DYM: variants seen among roughly 807,000 people sequenced by gnomAD.
DYM encodes the protein dymeclin.
DYM carries 78 observed loss-of-function variants against 93.1 expected under a neutral mutation model. The observed-to-expected ratio is 0.84, with a 90% CI of 0.70 to 1.01. The LOEUF is 1.01. Ranked by LOEUF, DYM falls within the 50% of genes least tolerant of loss-of-function variation. DYM has a pLI of 0.00. For missense variants in DYM, 789 were observed against 845.0 expected (o/e 0.93, Z 0.82); for synonymous variants, 321 against 319.7 (o/e 1.00, Z -0.04).
At chr18:49,287,713 C>T (rs1289656067) in intron 8 of DYM, among the ~76,000 whole-genome samples, 2 of 150,410 alleles carry the variant, frequency 1.3e-5, no homozygotes, top group Non-Finnish European at 1.5e-5. Flanking sequence ...GGCGTGGTGG[C>T]GGGCACCTGT....
Position 49,203,244 on chromosome 18 carries a change from C to G in DYM, c.1625+6307G>C, listed in dbSNP as rs1197991005. Among the ~76,000 whole-genome samples, 67 of 62,054 alleles carry G rather than the reference C, an allele frequency of 1.1e-3. 8 individuals carry two copies. Among genetic ancestry groups the G allele is most frequent in the African/African-American group, 3.1e-3 (65 of 21,000 alleles). The allele number at this position is 62,054 out of a possible 152,430, so 40.7% of individuals were successfully genotyped here. On this transcript the variant is annotated intron_variant, in intron 14 of 17. Coordinates refer to ENST00000675505, the MANE Select transcript of DYM (RefSeq NM_001353214.3). ...AGGGAGGTGGGGGGGGTCAGCCCCC[C>G]CTGCCCGGCCAGCCGCCCCGTCCAG...
intron 14 of DYM, among the ~76,000 whole-genome samples, chr18:49,191,060 T>C (rs955700453): frequency 3.5e-5 from 5 of 142,434 alleles, no homozygotes; most frequent in African/African-American, 1.3e-4. Flanking sequence ...CAAAGTTCTA[T>C]TGTGATTGTG....
chr18:49,067,470 GA>G (rs2076551510), intron 17 of DYM, among the ~76,000 whole-genome samples: 3 of 141,746 alleles, frequency 2.1e-5, no homozygotes, highest in South Asian at 2.3e-4. Context: ...AGTTTGGTAG[GA>G]GAAGGAGTGG....
chr18:49,270,210 A>G (rs890834578), intron 11 of DYM, among the ~76,000 whole-genome samples: 1 of 152,224 alleles, frequency 6.6e-6, no homozygotes, highest in Non-Finnish European at 1.5e-5. Context: ...ATGCTTCCCA[A>G]TTGTTAAGTA....
At chr18:49,108,894 G>T (rs1185916020) in intron 16 of DYM, among the ~76,000 whole-genome samples, 1 of 152,106 alleles carries the variant, frequency 6.6e-6, no homozygotes, top group East Asian at 1.9e-4. Flanking sequence ...AAGCTCTGTT[G>T]TATACACATT....
intron 15 of DYM, among the ~76,000 whole-genome samples, chr18:49,157,699 C>T (rs1046016267): frequency 6.6e-6 from 1 of 152,174 alleles, no homozygotes; most frequent in Non-Finnish European, 1.5e-5. Flanking sequence ...AATATCCTCT[C>T]CCATTCTGTA....
chr18:49,075,334 C>T (rs1238852907), intron 17 of DYM, among the ~76,000 whole-genome samples: 2 of 152,142 alleles, frequency 1.3e-5, no homozygotes, highest in African/African-American at 4.8e-5. Flanking sequence ...TGGTTGGGGA[C>T]AGACAAAGCC....
intron 16 of DYM, among the ~76,000 whole-genome samples, chr18:49,102,620 T>C (rs543010392): frequency 1.3e-5 from 2 of 152,146 alleles, no homozygotes; most frequent in Non-Finnish European, 2.9e-5. Context: ...CCTGTGTCCA[T>C]GTGTTCTCAT....
intron 10 of DYM, among the ~76,000 whole-genome samples, chr18:49,279,507 A>G (rs1246413881): frequency 6.6e-6 from 1 of 152,180 alleles, no homozygotes; most frequent in Non-Finnish European, 1.5e-5. Flanking sequence ...TTATCCAACA[A>G]AACCAGAACA....
intron 13 of DYM, among the ~76,000 whole-genome samples, chr18:49,211,428 G>A (rs2092779601): frequency 6.6e-6 from 1 of 152,190 alleles, no homozygotes; most frequent in Admixed American, 6.5e-5. Context: ...TATCTGATAT[G>A]TCTTGGCTAT....
At chr18:49,222,362 G>A (rs1232854671) in intron 13 of DYM, among the ~76,000 whole-genome samples, 1 of 151,990 alleles carries the variant, frequency 6.6e-6, no homozygotes, top group African/African-American at 2.4e-5. Context: ...CCTCAATAAT[G>A]AGCATCCTAT....
At chr18:49,107,275 C>T (rs1402730903) in intron 16 of DYM, among the ~76,000 whole-genome samples, 3 of 152,162 alleles carry the variant, frequency 2.0e-5, no homozygotes, top group Admixed American at 1.3e-4. Flanking sequence ...TTAAGGACTT[C>T]TGTGCATTGG....
chr18:49,299,324 G>A (rs2060754537), intron 8 of DYM, among the ~76,000 whole-genome samples: 1 of 152,162 alleles, frequency 6.6e-6, no homozygotes, highest in South Asian at 2.1e-4. Flanking sequence ...TAAGTAAACT[G>A]GAATTCAAGT....
At chr18:49,380,290 T>C (rs1315303297) in intron 3 of DYM, among the ~76,000 whole-genome samples, 1 of 152,168 alleles carries the variant, frequency 6.6e-6, no homozygotes, top group Non-Finnish European at 1.5e-5. Flanking sequence ...CTTTAAACGA[T>C]GGGCATTTCA....
chr18:49,153,547 TGA>T (rs2086055711), intron 15 of DYM, among the ~76,000 whole-genome samples: 1 of 152,070 alleles, frequency 6.6e-6, no homozygotes, highest in African/African-American at 2.4e-5. Flanking sequence ...AAGAGTAAAC[TGA>T]GAGGGCAGAG....
At chr18:49,407,507 G>C (rs1012361123) in intron 2 of DYM, among the ~76,000 whole-genome samples, 2 of 152,198 alleles carry the variant, frequency 1.3e-5, no homozygotes, top group Non-Finnish European at 2.9e-5. Flanking sequence ...GAAGGTGAAG[G>C]AGGAGCCAGC....
At chr18:49,183,783 A>T (rs1440307830) in intron 14 of DYM, among the ~76,000 whole-genome samples, 1 of 152,074 alleles carries the variant, frequency 6.6e-6, no homozygotes, top group African/African-American at 2.4e-5. Context: ...TGAAGCCCTA[A>T]CCTCTAGTAT....
At chr18:49,077,185 G>A (rs1429967818) in intron 17 of DYM, among the ~76,000 whole-genome samples, 6 of 152,030 alleles carry the variant, frequency 3.9e-5, no homozygotes, top group Admixed American at 6.6e-5. Context: ...AAATTTCGTC[G>A]TTTGTATACA....
At chr18:49,373,669 C>T (rs2147580261) in intron 5 of DYM, among the ~76,000 whole-genome samples, 1 of 152,202 alleles carries the variant, frequency 6.6e-6, no homozygotes, top group East Asian at 1.9e-4. Context: ...CTTAATTTAC[C>T]CAGCTCCTAT....
Sources: allele counts gnomAD v4.1 joint callset (sites outside exome capture counted in the v4.1 genomes callset), GRCh38; gene constraint gnomAD v4.1.1; transcripts MANE v1.5; gene names NCBI Gene and HGNC (gene_info 2026-07-23, HGNC 2026-07-21).